Variants in SPATA6L observed in about 807,000 individuals in gnomAD.
SPATA6L encodes spermatogenesis associated 6-like protein.
SPATA6L carries 68 observed loss-of-function variants against 49.2 expected under a neutral mutation model. The observed-to-expected ratio is 1.38, with a 90% CI of 1.14 to 1.69. SPATA6L has a LOEUF of 1.69. SPATA6L is among the 40% of genes most tolerant of loss of function. The probability of loss-of-function intolerance (pLI) is 0.00; values close to 1 mark genes in which losing one functional copy is unlikely to be tolerated. For synonymous variants in SPATA6L, 198 were observed against 165.7 expected, an observed-to-expected ratio of 1.19 and a Z score of -1.50; for missense variants, 668 against 464.3, an observed-to-expected ratio of 1.44 and a Z score of -4.03.
At position 4,662,503 on chromosome 9, in the gene SPATA6L, T is replaced by C; in HGVS notation, c.40-467A>G. The C allele has an allele frequency of 6.4e-7, 1 of 1,560,042 alleles. No homozygotes were observed. The highest frequency in any genetic ancestry group is 8.6e-7 in the Non-Finnish European group (1 of 1,162,380). On this transcript the variant is annotated intron_variant, in intron 1 of 11. Coordinates refer to ENST00000682582, the MANE Select transcript of SPATA6L (RefSeq NM_001353486.2). The surrounding 1 kb of genome is among the most constrained non-coding windows in gnomAD (Gnocchi z 4.9). ...GGCAGCAGGTTTGAGTTCCAGTCCC[T>C]GCTCAGCAGCCGCGCCACGGCCGTG...
chr9:4,625,569 G>A lies in SPATA6L; in HGVS notation c.430-3C>T, dbSNP rs1345387529. On this transcript the variant is annotated splice_polypyrimidine_tract_variant and splice_region_variant and intron_variant, in intron 5 of 11. Transcript: ENST00000682582. The stretch of plus-strand genomic sequence containing the variant: ...CTCCGTGACTCATGTCTTTCTTCCT[G>A]AAATAAACAAAAAAAGAATATTTTT... The A allele has an allele frequency of 3.4e-6, 5 of 1,478,074 alleles. No homozygotes were observed. The highest frequency in any genetic ancestry group is 2.4e-5 in the Admixed American group (1 of 41,554). 91.6% of individuals were successfully genotyped at this position (1,478,074 alleles called of 1,614,324 possible). A position where few individuals can be genotyped will look rare whatever the true frequency, so the allele number is the denominator to read the frequency against.
At chr9:4,593,354 T>A (rs760802647), downstream of SPATA6L, among the ~76,000 whole-genome samples, 3 of 152,184 alleles carry the variant, frequency 2.0e-5, no homozygotes, top group Non-Finnish European at 4.4e-5. Flanking sequence ...CCACCTCATC[T>A]AGCTGCCCAG....
At chr9:4,638,878 G>A (rs150158496) in intron 3 of SPATA6L, among the ~76,000 whole-genome samples, 3,010 of 151,366 alleles carry the variant, frequency 0.02, 87 homozygotes, top group African/African-American at 0.069. Flanking sequence ...TCCGCCTCCC[G>A]GGTTCAAGCG....
intron 1 of SPATA6L, chr9:4,663,457 G>A: frequency 1.0e-5 from 6 of 600,562 alleles, no homozygotes; most frequent in East Asian, 2.8e-5. Flanking sequence ...GCCATATTAG[G>A]GAAAGCAAAA....
Position 4,589,347 on chromosome 9 carries a change from G to A in SPATA6L, c.*255-386C>T, listed in dbSNP as rs999379950. ...CCCATTTATTAACATGGGGTAATCC[G>A]TAGGGATGCAATTGCTGTTCCAGTA... On this transcript the variant is annotated intron_variant and NMD_transcript_variant, in intron 13 of 13. Transcript: ENST00000461761. Among the ~76,000 whole-genome samples the A allele has an allele frequency of 2.6e-5, 4 of 152,042 alleles. No individual in the cohort carries two copies. In the South Asian group the frequency reaches 6.2e-4, roughly 24 times the overall value.
At chr9:4,601,886 G>C (rs1048365117) in intron 11 of SPATA6L, among the ~76,000 whole-genome samples, 1 of 152,170 alleles carries the variant, frequency 6.6e-6, no homozygotes, top group African/African-American at 2.4e-5. Context: ...CACTGAGATG[G>C]ATGCTCAGCA....
At chr9:4,621,812 ATG>A (rs1195253870) in intron 7 of SPATA6L, among the ~76,000 whole-genome samples, 1 of 152,196 alleles carries the variant, frequency 6.6e-6, no homozygotes, top group East Asian at 1.9e-4. Flanking sequence ...TATTTTAAAA[ATG>A]TATCAGTTTT....
At chr9:4,626,717 T>A (rs1057021051) in intron 5 of SPATA6L, 3 of 451,998 alleles carry the variant, frequency 6.6e-6, no homozygotes, top group Non-Finnish European at 7.4e-6. Flanking sequence ...CTGGCTGATA[T>A]ATCAGTTAAG....
intron 3 of SPATA6L, among the ~76,000 whole-genome samples, chr9:4,651,794 C>T (rs1210710620): frequency 6.6e-6 from 1 of 152,148 alleles, no homozygotes; most frequent in African/African-American, 2.4e-5. Flanking sequence ...TAAAGAGGAA[C>T]TTCCTCAACC....
Position 4,627,701 on chromosome 9 carries a change from C to A in SPATA6L, c.429+1390G>T, listed in dbSNP as rs566920735. 2.9e-4 allele frequency: 373 copies of A among 1,280,938 alleles called. 2 individuals are homozygous for A. The African/African-American group carries it at 5.0e-3, about 17-fold the overall frequency. 79.3% of individuals were successfully genotyped at this position (1,280,938 alleles called of 1,614,324 possible). A position where few individuals can be genotyped will look rare whatever the true frequency, so the allele number is the denominator to read the frequency against. On this transcript the variant is annotated intron_variant, in intron 5 of 11. Transcript: ENST00000682582. Reference sequence around the variant, plus strand: ...GAGGCAGACACTAGGACTGAAGAAGCAAGTAAAATTGAGGTAGTACACATG... The same window carrying A: ...GAGGCAGACACTAGGACTGAAGAAGAAAGTAAAATTGAGGTAGTACACATG...
chr9:4,603,117 A>C (rs1189415550), intron 11 of SPATA6L, among the ~76,000 whole-genome samples: 1 of 152,228 alleles, frequency 6.6e-6, no homozygotes, highest in Non-Finnish European at 1.5e-5. Context: ...ATCAATGCAT[A>C]TTCAACATGC....
intron 13 of SPATA6L, among the ~76,000 whole-genome samples, chr9:4,591,905 C>G (rs1313833233): frequency 2.6e-5 from 4 of 152,194 alleles, no homozygotes; most frequent in African/African-American, 9.7e-5. Flanking sequence ...CACTCTAAGG[C>G]AAATCAACGT....
At chr9:4,629,016 G>A in intron 5 of SPATA6L, 75 bp downstream of exon 5, 1 of 1,053,932 alleles carries the variant, frequency 9.5e-7, no homozygotes, top group East Asian at 2.5e-5. Context: ...AATAAACTGA[G>A]TTTGGGCAAA....
At position 4,623,927 on chromosome 9, in the gene SPATA6L, G is replaced by T. The variant is rs115871553; in HGVS notation, c.669+1400C>A. 4.0e-3 allele frequency among the ~76,000 whole-genome samples: 604 copies of T among 152,272 alleles called. 5 individuals carry two copies. Among genetic ancestry groups the T allele is most frequent in the African/African-American group, 0.014 (569 of 41,538 alleles). ...GATTTTTGCCAGATGTCATTATCCA[G>T]GCCACCAAGCAACAGCTGTTGTGTA... On this transcript the variant is annotated intron_variant, in intron 6 of 11. Transcript: ENST00000682582.
chr9:4,660,768 C>G (rs1327192542), intron 2 of SPATA6L, among the ~76,000 whole-genome samples: 1 of 152,204 alleles, frequency 6.6e-6, no homozygotes, highest in African/African-American at 2.4e-5. Context: ...ATAGCAAAGA[C>G]TTGGAACCAA....
rs370931784 is a variant in SPATA6L at position 4,629,755 on chromosome 9, ATG to A, written c.352-589_352-588del. ...CTGTCTAAAATATTGTGTTTTATATATGTGTGTGTGTGTGTATATATATATAT... is the reference window on the plus strand; with the variant it reads ...CTGTCTAAAATATTGTGTTTTATATATGTGTGTGTGTGTATATATATATAT... On this transcript the variant is annotated intron_variant, in intron 4 of 11. Coordinates refer to ENST00000682582, the MANE Select transcript of SPATA6L (RefSeq NM_001353486.2). Among the ~76,000 whole-genome samples the A allele has an allele frequency of 8.1e-4, 101 of 125,406 alleles. 1 individual carries two copies. The South Asian group carries it at 0.012, about 15-fold the overall frequency. 82.3% of individuals were successfully genotyped at this position (125,406 alleles called of 152,430 possible). A position where few individuals can be genotyped will look rare whatever the true frequency, so the allele number is the denominator to read the frequency against.
At chr9:4,659,923 A>C (rs1222937554) in intron 2 of SPATA6L, among the ~76,000 whole-genome samples, 1 of 152,234 alleles carries the variant, frequency 6.6e-6, no homozygotes. Context: ...AAAACAAGAA[A>C]TGGGGAAAGG....
At chr9:4,606,238 G>A (rs1427645423) in intron 9 of SPATA6L, among the ~76,000 whole-genome samples, 1 of 145,282 alleles carries the variant, frequency 6.9e-6, no homozygotes, top group African/African-American at 2.7e-5. Context: ...GCCCGCCATT[G>A]CCCAGGCTTG....
At chr9:4,652,079 C>G (rs961774861) in intron 3 of SPATA6L, among the ~76,000 whole-genome samples, 1 of 152,126 alleles carries the variant, frequency 6.6e-6, no homozygotes, top group South Asian at 2.1e-4. Context: ...ACTACTAAAA[C>G]TAATAAACAA....
Sources: allele counts gnomAD v4.1 joint callset (sites outside exome capture counted in the v4.1 genomes callset), GRCh38; gene constraint gnomAD v4.1.1; non-coding constraint Gnocchi (gnomAD v3.1); transcripts MANE v1.5; gene names NCBI Gene and HGNC (gene_info 2026-07-23, HGNC 2026-07-21).